The following KLF12 variants were observed in gnomAD, a reference collection of about 807,000 sequenced individuals.
The protein encoded by KLF12 is Krueppel-like factor 12.
In KLF12, 9 loss-of-function variants were observed where a neutral mutation model predicts 37.8. That is an observed-to-expected ratio of 0.24 (90% CI 0.14 to 0.42). KLF12 has a LOEUF of 0.42. Among genes scored for constraint, KLF12 ranks in the 10% least tolerant of loss-of-function variants. The pLI is 1.00. For synonymous variants in KLF12, 208 were observed against 202.1 expected (o/e 1.03, Z -0.25); for missense variants, 411 against 516.0 (o/e 0.80, Z 1.97).
At chr13:74,070,831 A>G (rs1326287825) in intron 1 of KLF12, among the ~76,000 whole-genome samples, 2 of 152,194 alleles carry the variant, frequency 1.3e-5, no homozygotes, top group Non-Finnish European at 2.9e-5. Context: ...TCCCTTATAG[A>G]TAAGTAAAAG....
intron 1 of KLF12, among the ~76,000 whole-genome samples, chr13:74,013,583 C>T (rs534327379): frequency 1.3e-5 from 2 of 152,218 alleles, no homozygotes; most frequent in African/African-American, 4.8e-5. Context: ...ATGTGTTGTA[C>T]CATTCTTTCC....
the KLF12 span, among the ~76,000 whole-genome samples, chr13:74,301,835 G>T: frequency 1.3e-5 from 2 of 151,972 alleles, no homozygotes; most frequent in Admixed American, 1.3e-4. Flanking sequence ...ATTCTTGCCC[G>T]CCCCAATTTT....
At chr13:73,805,825 G>T (rs1310741697) in intron 5 of KLF12, among the ~76,000 whole-genome samples, 1 of 152,130 alleles carries the variant, frequency 6.6e-6, no homozygotes, top group Non-Finnish European at 1.5e-5. Flanking sequence ...TTCTTTTTGA[G>T]ATGGAGTCTT....
chr13:74,138,017 A>G (rs1263864843), upstream of KLF12, among the ~76,000 whole-genome samples: 1 of 152,244 alleles, frequency 6.6e-6, no homozygotes, highest in African/African-American at 2.4e-5. Context: ...GGGCCTCCCA[A>G]AGTGCCGGGA....
At chr13:73,770,414 T>A (rs1880193515) in intron 5 of KLF12, among the ~76,000 whole-genome samples, 1 of 152,226 alleles carries the variant, frequency 6.6e-6, no homozygotes, top group African/African-American at 2.4e-5. Context: ...CATATATTTT[T>A]AAAAGGTTCT....
the KLF12 span, among the ~76,000 whole-genome samples, chr13:74,225,606 TG>T: frequency 6.6e-6 from 1 of 152,058 alleles, no homozygotes; most frequent in African/African-American, 2.4e-5. Flanking sequence ...ATTAGAGACA[TG>T]GGAGATAAAA....
the KLF12 span, among the ~76,000 whole-genome samples, chr13:74,163,889 T>TA: frequency 1.1e-5 from 1 of 89,700 alleles, no homozygotes; most frequent in African/African-American, 3.2e-5. Flanking sequence ...AAAAATAATT[T>TA]AAAAATTAAA....
At chr13:73,737,396 A>G (rs150615171) in intron 6 of KLF12, among the ~76,000 whole-genome samples, 2,598 of 152,264 alleles carry the variant, frequency 0.017, 32 homozygotes, top group African/African-American at 0.026. Context: ...ATGAGTGTCA[A>G]CAATGGGAAA....
intron 6 of KLF12, 31 bp from the exon 7 acceptor site, chr13:73,715,556 G>A: frequency 1.2e-6 from 2 of 1,607,990 alleles, no homozygotes; most frequent in South Asian, 2.2e-5. Context: ...GTTACACGGT[G>A]AGATGCACAC....
intron 3 of KLF12, among the ~76,000 whole-genome samples, chr13:73,892,343 A>G (rs563037864): frequency 6.6e-6 from 1 of 152,288 alleles, no homozygotes; most frequent in Admixed American, 6.5e-5. Context: ...GCAGTAGAAC[A>G]GCATTACTGT....
chr13:74,114,934 T>G (rs1877199835), intron 1 of KLF12, among the ~76,000 whole-genome samples: 1 of 152,196 alleles, frequency 6.6e-6, no homozygotes, highest in African/African-American at 2.4e-5. Context: ...CATGGACCAG[T>G]ACCTGTGAAC....
Position 73,807,308 on chromosome 13 carries a change from T to TC in KLF12, c.806+5843_806+5844insG, listed in dbSNP as rs1555308269. Among the ~76,000 whole-genome samples, 173 of 145,634 alleles carry TC rather than the reference T, an allele frequency of 1.2e-3. 1 individual carries two copies. Among genetic ancestry groups the TC allele is most frequent in the African/African-American group, 4.3e-3 (169 of 39,618 alleles). On this transcript the variant is annotated intron_variant, in intron 5 of 7. Transcript: ENST00000377669. ...TGGGTGACAAGAGTGAAATTCCATC[T>TC]AAAAAAAAAAAAAATCATAACATTC...
chr13:73,865,215 T>C (rs1039478381), intron 3 of KLF12, among the ~76,000 whole-genome samples: 1 of 151,936 alleles, frequency 6.6e-6, no homozygotes, highest in East Asian at 1.9e-4. Context: ...ATACATTTCT[T>C]ACCATTGTTT....
the KLF12 span, among the ~76,000 whole-genome samples, chr13:74,291,670 A>C: frequency 1.3e-5 from 2 of 152,226 alleles, no homozygotes; most frequent in African/African-American, 4.8e-5. Flanking sequence ...CATGTGTAGG[A>C]GAATGAGATG....
chr13:74,011,404 G>A (rs1223177090), intron 1 of KLF12, among the ~76,000 whole-genome samples: 1 of 152,118 alleles, frequency 6.6e-6, no homozygotes, highest in African/African-American at 2.4e-5. Flanking sequence ...AATTTAAGTT[G>A]TTCTACAAGT....
At chr13:74,059,062 A>G (rs1873425208) in intron 1 of KLF12, among the ~76,000 whole-genome samples, 1 of 152,162 alleles carries the variant, frequency 6.6e-6, no homozygotes, top group Non-Finnish European at 1.5e-5. Flanking sequence ...TTTCTGACTT[A>G]TTTCACTTAG....
At chr13:74,110,153 G>C (rs1876892466) in intron 1 of KLF12, among the ~76,000 whole-genome samples, 1 of 152,148 alleles carries the variant, frequency 6.6e-6, no homozygotes, top group Non-Finnish European at 1.5e-5. Flanking sequence ...TATTTCCAAA[G>C]AAAGCATTTC....
intron 1 of KLF12, among the ~76,000 whole-genome samples, chr13:74,015,974 C>T (rs771329118): frequency 1.1e-4 from 16 of 152,088 alleles, no homozygotes; most frequent in Non-Finnish European, 1.6e-4. Context: ...AAAAGATGGA[C>T]ATAACAGATG....
intron 3 of KLF12, among the ~76,000 whole-genome samples, chr13:73,861,269 A>G (rs1885911227): frequency 2.0e-5 from 3 of 152,158 alleles, no homozygotes; most frequent in Non-Finnish European, 2.9e-5. Context: ...CCATTCCACA[A>G]TAAAAAACCC....
Sources: gnomAD v4.1 joint callset for allele counts (sites outside exome capture counted in the v4.1 genomes callset) on GRCh38, gnomAD v4.1.1 for gene constraint, MANE v1.5 for transcripts, NCBI Gene and HGNC (gene_info 2026-07-23, HGNC 2026-07-21) for gene names.